Variants in EDIL3 observed in about 807,000 individuals in gnomAD.
EDIL3 encodes the protein EGF like and discoidin domains 3, also known as EGF-like repeat and discoidin I-like domain-containing protein 3.
A neutral mutation model predicts 67.4 loss-of-function variants in EDIL3; 37 were observed. The ratio of observed to expected loss-of-function variants is 0.55; its 90% CI spans 0.42 to 0.72. EDIL3 has a LOEUF of 0.72. EDIL3 is among the 30% of genes least tolerant of loss of function. The probability of loss-of-function intolerance (pLI) is 0.00; values close to 1 mark genes in which losing one functional copy is unlikely to be tolerated. For synonymous variants in EDIL3, 195 were observed against 196.3 expected (o/e 0.99, Z 0.05); for missense variants, 527 against 586.3 (o/e 0.90, Z 1.04).
intron 9 of EDIL3, among the ~76,000 whole-genome samples, chr5:84,054,610 G>T (rs553276558): frequency 2.6e-5 from 4 of 152,170 alleles, no homozygotes; most frequent in Admixed American, 6.5e-5. Context: ...CTTCAGCAAA[G>T]TCTCAGGATA....
At chr5:84,154,090 T>C (rs1748448507) in intron 4 of EDIL3, among the ~76,000 whole-genome samples, 1 of 152,194 alleles carries the variant, frequency 6.6e-6, no homozygotes, top group South Asian at 2.1e-4. Flanking sequence ...TTTGCTCCTT[T>C]GCTGTGATGA....
intron 6 of EDIL3, among the ~76,000 whole-genome samples, chr5:84,072,457 A>G (rs535275489): frequency 2.0e-5 from 3 of 152,146 alleles, no homozygotes; most frequent in Non-Finnish European, 4.4e-5. Context: ...ACTACACAAT[A>G]TTAGCAAGAA....
chr5:83,968,394 T>A (rs1744733318), intron 9 of EDIL3, among the ~76,000 whole-genome samples: 1 of 152,072 alleles, frequency 6.6e-6, no homozygotes. Context: ...TTAAGACACT[T>A]AACATAGCAA....
intron 1 of EDIL3, among the ~76,000 whole-genome samples, chr5:84,278,983 T>C (rs958857788): frequency 3.9e-5 from 6 of 152,126 alleles, no homozygotes; most frequent in African/African-American, 7.2e-5. Context: ...TTACTACTTT[T>C]AGCCTTGTTA....
chr5:84,214,301 G>T (rs1301686845), intron 3 of EDIL3, among the ~76,000 whole-genome samples: 2 of 152,084 alleles, frequency 1.3e-5, no homozygotes, highest in Non-Finnish European at 2.9e-5. Context: ...ATTTGTGGGG[G>T]ATGGATTCCA....
chr5:84,225,357 G>A (rs1242675383), intron 3 of EDIL3, among the ~76,000 whole-genome samples: 11 of 151,618 alleles, frequency 7.3e-5, no homozygotes, highest in Admixed American at 3.3e-4. Flanking sequence ...ATGTGGGTAC[G>A]TATGAAGAAA....
At chr5:84,002,743 T>C (rs1315034795) in intron 9 of EDIL3, among the ~76,000 whole-genome samples, 2 of 152,210 alleles carry the variant, frequency 1.3e-5, no homozygotes, top group Non-Finnish European at 2.9e-5. Flanking sequence ...ACAGGCTCTC[T>C]GACATTGCAA....
chr5:84,339,170 G>T (rs551248754), intron 1 of EDIL3, among the ~76,000 whole-genome samples: 3 of 152,142 alleles, frequency 2.0e-5, no homozygotes, highest in African/African-American at 7.2e-5. Flanking sequence ...ATTTCCTTCT[G>T]TCACTCTTCA....
At chr5:83,951,004 C>T (rs1162321326) in intron 10 of EDIL3, among the ~76,000 whole-genome samples, 1 of 151,638 alleles carries the variant, frequency 6.6e-6, no homozygotes, top group Non-Finnish European at 1.5e-5. Context: ...TCCATAAACC[C>T]TTTGAAAAAT....
chr5:84,072,641 T>C (rs1190174044), intron 6 of EDIL3, among the ~76,000 whole-genome samples: 3 of 152,156 alleles, frequency 2.0e-5, no homozygotes, highest in East Asian at 1.9e-4. Flanking sequence ...CAAGTATGAG[T>C]AAACTGATGT....
At chr5:84,279,170 G>A (rs1441096007) in intron 1 of EDIL3, among the ~76,000 whole-genome samples, 1 of 151,976 alleles carries the variant, frequency 6.6e-6, no homozygotes, top group East Asian at 1.9e-4. Context: ...AAATTTATTC[G>A]AAGGCTGCCA....
chr5:84,107,255 T>A (rs1278181052), intron 5 of EDIL3, among the ~76,000 whole-genome samples: 2 of 152,098 alleles, frequency 1.3e-5, no homozygotes, highest in African/African-American at 4.8e-5. Context: ...GCTGAGCTTT[T>A]TTTCAAAGTT....
Position 83,963,255 on chromosome 5 carries a change from C to G in EDIL3, c.1243G>C (p.Asp415His). 1.2e-6 allele frequency: 2 copies of G among 1,610,458 alleles called. No homozygotes were observed. The highest frequency in any genetic ancestry group is 1.7e-6 in the Non-Finnish European group (2 of 1,177,774). Residue 415 changes from aspartate to histidine, a missense_variant, in exon 10 of 11, where the codon GAT becomes CAT. Physicochemically the swap from Asp to His is moderately conservative, Grantham distance 81 (BLOSUM62 -1). Around this residue, in one of 2 missense-constraint regions of EDIL3, gnomAD observed 494 missense variants for 522.5 expected, o/e 0.95. Transcript: ENST00000296591. ...VGSYKLAYSN[D>H]GEHWTVYQDE... is the part of the protein sequence containing the mutation. ...TGGTATACAGTCCAGTGTTCTCCAT[C>G]ATTGCTGTAAGCCAGTTTGTAGGAG...
intron 6 of EDIL3, among the ~76,000 whole-genome samples, chr5:84,093,179 C>A (rs1747197615): frequency 6.6e-6 from 1 of 151,500 alleles, no homozygotes; most frequent in Non-Finnish European, 1.5e-5. Context: ...CAAATACTAT[C>A]TTTCTCCTTT....
chr5:83,996,615 T>C (rs911593510), intron 9 of EDIL3, among the ~76,000 whole-genome samples: 1 of 152,202 alleles, frequency 6.6e-6, no homozygotes, highest in Non-Finnish European at 1.5e-5. Flanking sequence ...TTTTGTGTGA[T>C]GATATCATCA....
At chr5:84,121,534 GATCGATCTATCTATCTATCTATCTATCT>G (rs1349958862) in intron 5 of EDIL3, among the ~76,000 whole-genome samples, 1 of 99,906 alleles carries the variant, frequency 1.0e-5, no homozygotes, top group Non-Finnish European at 2.1e-5. Context: ...CACTAACTTA[GATCGATCTATCTATCTATCTATCTATCT>G]ATCTATCTAT....
chr5:84,113,249 C>T (rs1420609349), intron 5 of EDIL3, among the ~76,000 whole-genome samples: 2 of 152,124 alleles, frequency 1.3e-5, no homozygotes, highest in Non-Finnish European at 2.9e-5. Flanking sequence ...TTTATGCATC[C>T]TTGGTATTGT....
At position 84,324,875 on chromosome 5, in the gene EDIL3, A is replaced by G. The variant is rs970199877; in HGVS notation, c.67+59433T>C. Among the ~76,000 whole-genome samples the G allele has an allele frequency of 3.3e-5, 5 of 151,886 alleles. No individual in the cohort carries two copies. In the East Asian group the frequency reaches 9.7e-4, roughly 29 times the overall value. On this transcript the variant is annotated intron_variant, in intron 1 of 10. Coordinates refer to ENST00000296591, the MANE Select transcript of EDIL3 (RefSeq NM_005711.5). ...AATGACAGAGAATTAAGAAATCTGA[A>G]TAGACCTATAATTGGTAAGAAGATT... is the stretch of plus-strand genomic sequence containing the variant.
At chr5:84,091,096 T>C (rs1747158567) in intron 6 of EDIL3, among the ~76,000 whole-genome samples, 1 of 151,738 alleles carries the variant, frequency 6.6e-6, no homozygotes, top group Non-Finnish European at 1.5e-5. Flanking sequence ...CTACCAAGAG[T>C]TGTCAAAGAG....
Sources: gnomAD v4.1 joint callset for allele counts (sites outside exome capture counted in the v4.1 genomes callset) on GRCh38, gnomAD v4.1.1 for gene constraint, gnomAD v4.1.1 regional missense constraint, MANE v1.5 for transcripts, NCBI Gene and HGNC (gene_info 2026-07-23, HGNC 2026-07-21) for gene names.